Variants in FAM53B observed in about 807,000 individuals in gnomAD.
FAM53B encodes protein FAM53B.
A neutral mutation model predicts 32.7 loss-of-function variants in FAM53B; 12 were observed. The ratio of observed to expected loss-of-function variants is 0.37; its 90% CI spans 0.24 to 0.59. The LOEUF is 0.59. Among genes scored for constraint, FAM53B ranks in the 20% least tolerant of loss-of-function variants. FAM53B has a pLI of 0.72. For missense variants in FAM53B, 477 were observed against 577.7 expected (o/e 0.83, Z 1.79); for synonymous variants, 234 against 228.7 (o/e 1.02, Z -0.21).
intron 1 of FAM53B, among the ~76,000 whole-genome samples, chr10:124,739,133 G>T (rs896502046): frequency 1.3e-5 from 2 of 151,670 alleles, no homozygotes; most frequent in Non-Finnish European, 2.9e-5. Context: ...AGGTTTCTCT[G>T]TGGTGTTAAC....
rs189260995 is a variant in FAM53B, at chr10:124,648,200, A to C, written c.907-24596T>G. 2.6e-3 allele frequency among the ~76,000 whole-genome samples: 403 copies of C among 152,354 alleles called. 3 individuals carry two copies. Among genetic ancestry groups the C allele is most frequent in the African/African-American group, 9.1e-3 (380 of 41,590 alleles). On this transcript the variant is annotated intron_variant, in intron 4 of 4. Coordinates refer to ENST00000337318, the MANE Select transcript of FAM53B (RefSeq NM_014661.4). ...GGGAGGAAACCAAGACACATCGAGG[A>C]TCCAAGGCTCTGGGAGCGTCTGTTG...
At chr10:124,650,546 T>C (rs902417792) in intron 4 of FAM53B, among the ~76,000 whole-genome samples, 1 of 152,198 alleles carries the variant, frequency 6.6e-6, no homozygotes, top group Non-Finnish European at 1.5e-5. Flanking sequence ...ACACCAACCC[T>C]GTGAGGCAAG....
At chr10:124,625,324 C>A (rs1282090339) in intron 4 of FAM53B, among the ~76,000 whole-genome samples, 1 of 152,152 alleles carries the variant, frequency 6.6e-6, no homozygotes, top group African/African-American at 2.4e-5. Context: ...AAGGTGAAGG[C>A]TGAGGTGTTG....
At chr10:124,708,897 A>G (rs188261839) in intron 1 of FAM53B, among the ~76,000 whole-genome samples, 49 of 152,378 alleles carry the variant, frequency 3.2e-4, no homozygotes, top group Admixed American at 9.1e-4. Context: ...TTGGAATCCC[A>G]GCTCTTGAAA....
intron 1 of FAM53B, among the ~76,000 whole-genome samples, chr10:124,734,244 G>A (rs1056525896): frequency 3.9e-5 from 6 of 152,218 alleles, no homozygotes; most frequent in Admixed American, 3.9e-4. Context: ...CGAGCTATGA[G>A]CTCCCTAAAA....
chr10:124,716,850 G>A (rs1010717555), intron 1 of FAM53B, among the ~76,000 whole-genome samples: 32 of 152,130 alleles, frequency 2.1e-4, no homozygotes, highest in African/African-American at 4.8e-5. Flanking sequence ...GCTCCAAACC[G>A]GGGGAAGGGA....
intron 2 of FAM53B, among the ~76,000 whole-genome samples, chr10:124,700,313 C>G (rs762856322): frequency 2.0e-5 from 3 of 152,208 alleles, no homozygotes; most frequent in Non-Finnish European, 2.9e-5. Flanking sequence ...CTTTCCAACA[C>G]TTTGAACCTC....
intron 3 of FAM53B, among the ~76,000 whole-genome samples, chr10:124,693,039 C>T (rs575449997): frequency 1.6e-4 from 25 of 152,298 alleles, no homozygotes; most frequent in African/African-American, 5.8e-4. Flanking sequence ...AGTCCTTTAT[C>T]TTCAGGAGAC....
intron 4 of FAM53B, among the ~76,000 whole-genome samples, chr10:124,646,411 T>C (rs1040765560): frequency 9.9e-5 from 15 of 152,212 alleles, no homozygotes; most frequent in African/African-American, 3.6e-4. Flanking sequence ...AGGAGAAACG[T>C]GCCATTCTAC....
At chr10:124,726,526 A>C (rs1197211713) in intron 1 of FAM53B, among the ~76,000 whole-genome samples, 1 of 152,266 alleles carries the variant, frequency 6.6e-6, no homozygotes, top group Admixed American at 6.5e-5. Flanking sequence ...AGGCATGGGA[A>C]GGGCTTTCAG....
At position 124,623,758 on chromosome 10, in the gene FAM53B, A is replaced by G. The variant is rs878916652; in HGVS notation, c.907-154T>C. The G allele has an allele frequency of 1.2e-4, 94 of 755,758 alleles. 1 individual carries two copies. The highest frequency in any genetic ancestry group is 1.2e-3 in the South Asian group (62 of 52,014). The allele number at this position is 755,758 out of a possible 1,614,324, so 46.8% of individuals were successfully genotyped here. ...CCAGGCAAGGACGGGCCCATGAGCAACGTACTCATGAAGATGCACCTCCGG... is the reference window on the plus strand; with the variant it reads ...CCAGGCAAGGACGGGCCCATGAGCAGCGTACTCATGAAGATGCACCTCCGG... On this transcript the variant is annotated intron_variant, in intron 4 of 4. Transcript: ENST00000337318.
chr10:124,623,712 C>A, intron 4 of FAM53B, 108 bp from the exon 5 acceptor site: 1 of 1,325,462 alleles, frequency 7.5e-7, no homozygotes, highest in Non-Finnish European at 1.0e-6. Flanking sequence ...CAAGACCAAT[C>A]AAGTCCCGGG....
Position 124,744,289 on chromosome 10 carries a change from C to A in FAM53B, c.-451G>T, listed in dbSNP as rs1173272333. The A allele has an allele frequency of 6.8e-6, 1 of 147,472 alleles. No individual in the cohort carries two copies. The highest frequency in any genetic ancestry group is 1.5e-5 in the Non-Finnish European group (1 of 66,056). 9.1% of individuals were successfully genotyped at this position (147,472 alleles called of 1,614,324 possible). ...TGCGTGAACTCGGCCCGGCGCTTAG[C>A]GGGCGGTGTCGCGGGCCCGGGCGCT... On this transcript the variant is annotated 5_prime_UTR_variant, in exon 1 of 5. Transcript: ENST00000337318.
intron 4 of FAM53B, among the ~76,000 whole-genome samples, chr10:124,656,272 G>T (rs1949588623): frequency 6.6e-6 from 1 of 152,224 alleles, no homozygotes; most frequent in Admixed American, 6.5e-5. Context: ...TGGAGGCGCA[G>T]TCTGGAGGCA....
intron 1 of FAM53B, among the ~76,000 whole-genome samples, chr10:124,722,912 A>T (rs1950078343): frequency 6.6e-6 from 1 of 152,178 alleles, no homozygotes; most frequent in Non-Finnish European, 1.5e-5. Flanking sequence ...TCCAAATACC[A>T]CATGCAGTTT....
At chr10:124,703,578 G>A (rs1398443399) in intron 2 of FAM53B, 1 of 152,358 alleles carries the variant, frequency 6.6e-6, no homozygotes, top group Non-Finnish European at 1.5e-5. Flanking sequence ...TGTGTTCTGG[G>A]CGCATAAGCA....
chr10:124,656,858 G>T (rs1378058193), intron 4 of FAM53B, among the ~76,000 whole-genome samples: 1 of 151,672 alleles, frequency 6.6e-6, no homozygotes, highest in Non-Finnish European at 1.5e-5. Context: ...TTGGACACAG[G>T]AAGGGGAACA....
At chr10:124,667,660 C>A (rs1949681479) in intron 4 of FAM53B, among the ~76,000 whole-genome samples, 1 of 152,202 alleles carries the variant, frequency 6.6e-6, no homozygotes, top group African/African-American at 2.4e-5. Flanking sequence ...AGCCTCCCAG[C>A]CCCGCCCGGG....
At chr10:124,705,201 G>A (rs558550636) in intron 2 of FAM53B, among the ~76,000 whole-genome samples, 1 of 152,348 alleles carries the variant, frequency 6.6e-6, no homozygotes, top group East Asian at 1.9e-4. Context: ...GGTAAGGGCT[G>A]AAGAGACCTG....
Sources: gnomAD v4.1 joint callset for allele counts (sites outside exome capture counted in the v4.1 genomes callset) on GRCh38, gnomAD v4.1.1 for gene constraint, MANE v1.5 for transcripts, NCBI Gene and HGNC (gene_info 2026-07-23, HGNC 2026-07-21) for gene names.